The following DOCK1 variants were observed in gnomAD, a reference collection of about 807,000 sequenced individuals.
DOCK1 encodes the protein dedicator of cytokinesis 1, also known as dedicator of cytokinesis protein 1.
In DOCK1, 138 loss-of-function variants were observed where a neutral mutation model predicts 262.7. The ratio of observed to expected loss-of-function variants is 0.53; its 90% CI spans 0.46 to 0.61. The LOEUF is 0.61. DOCK1 is among the 20% of genes least tolerant of loss of function. The probability of loss-of-function intolerance (pLI) is 0.00; values close to 1 mark genes in which losing one functional copy is unlikely to be tolerated. For synonymous variants in DOCK1, 866 were observed against 867.4 expected, an observed-to-expected ratio of 1.00 and a Z score of 0.03; for missense variants, 1,908 against 2,370.7, an observed-to-expected ratio of 0.80 and a Z score of 4.05.
intron 1 of DOCK1, among the ~76,000 whole-genome samples, chr10:126,960,238 A>G (rs1238768948): frequency 6.6e-6 from 1 of 152,060 alleles, no homozygotes; most frequent in African/African-American, 2.4e-5. Context: ...AGGCACTGTT[A>G]GGCATGGCTG....
At chr10:127,110,506 G>A (rs923186336) in intron 25 of DOCK1, among the ~76,000 whole-genome samples, 152 bp downstream of exon 25, 3 of 152,184 alleles carry the variant, frequency 2.0e-5, no homozygotes, top group Non-Finnish European at 4.4e-5. Flanking sequence ...GCCCTTACAA[G>A]AGAAGGGTAA....
Position 127,032,144 on chromosome 10 carries a change from C to G in DOCK1, c.1736C>G (p.Ala579Gly), listed in dbSNP as rs761310036. 3.9e-5 allele frequency: 62 copies of G among 1,589,814 alleles called. 3 individuals are homozygous for G. The South Asian group carries it at 6.8e-4, about 17-fold the overall frequency. The part of the protein sequence containing the change: ...EHDLIVYKAE[A>G]KKLEDAATYL... ...GCATGACTAAATCCACAGGCCGAAG[C>G]AAAGAAGCTGGAAGATGCTGCCACG... is the stretch of plus-strand genomic sequence containing the variant. The change falls in exon 18 of 52, where the codon GCA (alanine) becomes GGA (glycine). Residue 579 changes from alanine to glycine, a missense_variant. Physicochemically the swap from Ala to Gly is moderately conservative, Grantham distance 60. Coordinates refer to ENST00000623213, the MANE Select transcript of DOCK1 (RefSeq NM_001290223.2).
intron 10 of DOCK1, among the ~76,000 whole-genome samples, chr10:127,003,686 G>A (rs2040772110): frequency 6.6e-6 from 1 of 152,174 alleles, no homozygotes; most frequent in Non-Finnish European, 1.5e-5. Context: ...AAACTGGCTG[G>A]GCGCTGCCTG....
chr10:126,922,922 C>A (rs1019524921), intron 1 of DOCK1, among the ~76,000 whole-genome samples: 1 of 152,130 alleles, frequency 6.6e-6, no homozygotes, highest in Non-Finnish European at 1.5e-5. Context: ...ACCAGCCTGA[C>A]CAACATGGAG....
intron 11 of DOCK1, among the ~76,000 whole-genome samples, chr10:127,010,377 G>T (rs1488209875): frequency 6.6e-6 from 1 of 152,212 alleles, no homozygotes; most frequent in African/African-American, 2.4e-5. Context: ...TGAGGCAGGA[G>T]AATCGCTTGA....
intron 27 of DOCK1, among the ~76,000 whole-genome samples, chr10:127,138,884 A>G (rs541532579): frequency 1.3e-5 from 2 of 152,224 alleles, no homozygotes; most frequent in Non-Finnish European, 2.9e-5. Flanking sequence ...TGTCTTTGAA[A>G]AGGACCACAT....
At chr10:127,262,921 G>A (rs1006400610) in intron 29 of DOCK1, among the ~76,000 whole-genome samples, 4 of 152,118 alleles carry the variant, frequency 2.6e-5, no homozygotes, top group African/African-American at 7.2e-5. Flanking sequence ...GTTGGGTCAC[G>A]TGCCAAAAGA....
At chr10:127,335,416 G>C (rs2063147263) in intron 29 of DOCK1, among the ~76,000 whole-genome samples, 1 of 152,222 alleles carries the variant, frequency 6.6e-6, no homozygotes, top group African/African-American at 2.4e-5. Context: ...CAAACACTTG[G>C]CTTAGCTTGC....
chr10:127,006,478 G>A (rs2041031192), intron 10 of DOCK1, among the ~76,000 whole-genome samples: 1 of 152,224 alleles, frequency 6.6e-6, no homozygotes, highest in Non-Finnish European at 1.5e-5. Flanking sequence ...CTGGCTGGGG[G>A]AATTTTTCCC....
intron 23 of DOCK1, among the ~76,000 whole-genome samples, chr10:127,079,696 C>T (rs747105975): frequency 2.0e-5 from 3 of 152,080 alleles, no homozygotes; most frequent in Non-Finnish European, 2.9e-5. Flanking sequence ...TTTGGGAGGC[C>T]GAGGAGGGCG....
intron 5 of DOCK1, among the ~76,000 whole-genome samples, chr10:126,987,823 A>C (rs571443584): frequency 6.6e-6 from 1 of 152,108 alleles, no homozygotes; most frequent in African/African-American, 2.4e-5. Flanking sequence ...CCTGCCATGT[A>C]TTTGGGTGTA....
intron 27 of DOCK1, among the ~76,000 whole-genome samples, chr10:127,166,390 G>C (rs915192858): frequency 1.3e-5 from 2 of 152,228 alleles, no homozygotes; most frequent in Non-Finnish European, 2.9e-5. Flanking sequence ...ATTTTCATTA[G>C]TTCATGTTGG....
chr10:127,131,079 C>T (rs2050295816), intron 27 of DOCK1, among the ~76,000 whole-genome samples: 1 of 152,164 alleles, frequency 6.6e-6, no homozygotes, highest in Non-Finnish European at 1.5e-5. Context: ...TTGGAAGAAC[C>T]CCTGTGTTCT....
intron 23 of DOCK1, among the ~76,000 whole-genome samples, chr10:127,089,434 G>A (rs1470908574): frequency 6.6e-6 from 1 of 151,840 alleles, no homozygotes; most frequent in Admixed American, 6.6e-5. Flanking sequence ...CTTCTCCTGT[G>A]CACCCACTTT....
At chr10:127,261,553 G>A (rs370980175) in intron 29 of DOCK1, among the ~76,000 whole-genome samples, 20 of 125,958 alleles carry the variant, frequency 1.6e-4, no homozygotes, top group South Asian at 1.1e-3. Flanking sequence ...GTGTGTACCC[G>A]TGCTCATCTG....
At chr10:127,318,392 A>G (rs1317750856) in intron 29 of DOCK1, among the ~76,000 whole-genome samples, 2 of 152,170 alleles carry the variant, frequency 1.3e-5, no homozygotes, top group East Asian at 3.9e-4. Context: ...ACGGTTCTCT[A>G]AGAGTGTGTG....
At chr10:127,447,153 C>G (rs982182274) in intron 50 of DOCK1, among the ~76,000 whole-genome samples, 9 of 152,174 alleles carry the variant, frequency 5.9e-5, no homozygotes, top group Non-Finnish European at 1.3e-4. Flanking sequence ...GCTTCACACT[C>G]CAGTTTTAGT....
chr10:126,990,702 A>G lies in DOCK1; in HGVS notation c.473+99A>G, dbSNP rs540372806. The G allele has an allele frequency of 5.0e-6, 7 of 1,397,108 alleles. No individual in the cohort carries two copies. In the South Asian group the frequency reaches 6.2e-5, roughly 12 times the overall value. 86.5% of individuals were successfully genotyped at this position (1,397,108 alleles called of 1,614,324 possible). On this transcript the variant is annotated intron_variant, in intron 6 of 51. Transcript: ENST00000623213. Reference sequence around the variant, plus strand: ...CCAAGATCATATTTTATCATAAAACAAAATTTCTACCATCAAAGTAATGGC... The same window carrying G: ...CCAAGATCATATTTTATCATAAAACGAAATTTCTACCATCAAAGTAATGGC...
rs1239109625 is a variant in DOCK1 at position 126,913,139 on chromosome 10, G to C, written c.46+7576G>C. ...AGTGACAGAACAATGCAATCAGGTA[G>C]TTTGAGATCCAAACAGGAACTTCAG... On this transcript the variant is annotated intron_variant, in intron 1 of 51. Coordinates refer to ENST00000623213, the MANE Select transcript of DOCK1 (RefSeq NM_001290223.2). Among the ~76,000 whole-genome samples, 4 of 152,180 alleles carry C rather than the reference G, an allele frequency of 2.6e-5. No homozygotes were observed. The East Asian group carries it at 7.7e-4, about 29-fold the overall frequency.
Sources: gnomAD v4.1 joint callset for allele counts (sites outside exome capture counted in the v4.1 genomes callset) on GRCh38, gnomAD v4.1.1 for gene constraint, MANE v1.5 for transcripts, NCBI Gene and HGNC (gene_info 2026-07-23, HGNC 2026-07-21) for gene names.